Variants in PCDHA11 observed in about 807,000 individuals in gnomAD.
PCDHA11 encodes the protein protocadherin alpha 11.
PCDHA11 carries 61 observed loss-of-function variants against 70.3 expected under a neutral mutation model. The observed-to-expected ratio is 0.87, with a 90% confidence interval of 0.71 to 1.07. The LOEUF is 1.07. Among genes scored for constraint, PCDHA11 ranks in the 50% least tolerant of loss-of-function variants. PCDHA11 has a pLI of 0.00. For synonymous variants in PCDHA11, 633 were observed against 555.1 expected (o/e 1.14, Z -1.97); for missense variants, 1,324 against 1,237.5 (o/e 1.07, Z -1.05).
At chr5:140,959,751 T>C (rs553950058) in intron 1 of PCDHA11, among the ~76,000 whole-genome samples, 12 of 152,210 alleles carry the variant, frequency 7.9e-5, no homozygotes, top group Non-Finnish European at 1.8e-4. Flanking sequence ...CCTTAAAGTA[T>C]ATTTTAATAT....
chr5:140,953,099 G>A lies in PCDHA11; in HGVS notation c.2392-25850G>A, dbSNP rs1554220803. On this transcript the variant is annotated intron_variant, in intron 1 of 3. Transcript: ENST00000398640. ...CATTGGGGATTACAATTTGACATGA[G>A]ATTTGGGCAGGGACACAGATCTAAA... Among the ~76,000 whole-genome samples, 7 of 152,256 alleles carry A rather than the reference G, an allele frequency of 4.6e-5. 1 individual carries two copies. Among genetic ancestry groups the A allele is most frequent in the South Asian group, 2.1e-4 (1 of 4,828 alleles).
chr5:140,985,228 C>G (rs1022229644), intron 3 of PCDHA11, among the ~76,000 whole-genome samples: 4 of 152,156 alleles, frequency 2.6e-5, no homozygotes, highest in Non-Finnish European at 4.4e-5. Context: ...TGAGCCACCG[C>G]GCCTGGCCTA....
At chr5:140,903,454 A>G (rs1554190971) in intron 1 of PCDHA11, among the ~76,000 whole-genome samples, 1 of 152,208 alleles carries the variant, frequency 6.6e-6, no homozygotes, top group Non-Finnish European at 1.5e-5. Flanking sequence ...ATCTGATCAA[A>G]CTTAAAATAT....
intron 1 of PCDHA11, among the ~76,000 whole-genome samples, chr5:140,912,714 C>T (rs1312540155): frequency 6.6e-6 from 1 of 152,088 alleles, no homozygotes; most frequent in African/African-American, 2.4e-5. Context: ...CAACTTTTCT[C>T]CATTCAATAT....
At chr5:140,884,722 T>C in intron 1 of PCDHA11, 2 of 1,460,382 alleles carry the variant, frequency 1.4e-6, no homozygotes, top group South Asian at 3.0e-5. Flanking sequence ...TGCAGTTGTT[T>C]GTTTAAGACA....
intron 1 of PCDHA11, among the ~76,000 whole-genome samples, chr5:140,891,739 C>T (rs1433506044): frequency 4.6e-5 from 7 of 152,116 alleles, no homozygotes; most frequent in Non-Finnish European, 2.9e-5. Flanking sequence ...AATTCAATCC[C>T]TTATACAACA....
intron 1 of PCDHA11, among the ~76,000 whole-genome samples, chr5:140,885,102 G>A (rs2060467065): frequency 6.6e-6 from 1 of 151,970 alleles, no homozygotes; most frequent in Non-Finnish European, 1.5e-5. Flanking sequence ...TCACATAAAT[G>A]CTTTTTTTAA....
At chr5:140,988,468 A>G (rs1184589294) in intron 3 of PCDHA11, among the ~76,000 whole-genome samples, 1 of 152,186 alleles carries the variant, frequency 6.6e-6, no homozygotes, top group African/African-American at 2.4e-5. Flanking sequence ...GGGTGTGGGA[A>G]GGGGAATTAG....
At chr5:140,928,235 C>T (rs1455319165) in intron 1 of PCDHA11, 9 of 1,614,090 alleles carry the variant, frequency 5.6e-6, no homozygotes, top group African/African-American at 1.3e-5. Context: ...TTTCCTCAAC[C>T]CCAGCAGGAA....
chr5:140,876,094 C>T lies in PCDHA11; in HGVS notation c.2391+4600C>T, dbSNP rs782479233. 13 of 1,613,808 alleles carry T rather than the reference C, an allele frequency of 8.1e-6. No homozygotes were observed. In the Admixed American group the frequency reaches 1.5e-4, roughly 19 times the overall value. On this transcript the variant is annotated intron_variant, in intron 1 of 3. Transcript: ENST00000398640. ...ATTGGACAGAGAGCAAACGCCAAAA[C>T]TCAATTTATTGCTGATGGTAATCGA...
At chr5:140,944,051 C>G (rs1383787401) in intron 1 of PCDHA11, among the ~76,000 whole-genome samples, 1 of 152,086 alleles carries the variant, frequency 6.6e-6, no homozygotes, top group East Asian at 1.9e-4. Context: ...GATTGGGATA[C>G]AAAAAGGTTT....
intron 3 of PCDHA11, among the ~76,000 whole-genome samples, chr5:141,002,322 G>A (rs1477526091): frequency 6.6e-6 from 1 of 152,190 alleles, no homozygotes; most frequent in South Asian, 2.1e-4. Context: ...CCTGGAGGCC[G>A]GGCTGCATCC....
chr5:140,999,775 A>T (rs2097875590), intron 3 of PCDHA11, among the ~76,000 whole-genome samples: 1 of 152,178 alleles, frequency 6.6e-6, no homozygotes, highest in African/African-American at 2.4e-5. Context: ...TATACTCTTA[A>T]CCTAGAAATG....
Position 140,869,558 on chromosome 5 carries a change from T to A in PCDHA11, c.455T>A (p.Phe152Tyr). 1 of 1,614,200 alleles carries A rather than the reference T, an allele frequency of 6.2e-7. No homozygotes were observed. Among genetic ancestry groups the A allele is most frequent in the Non-Finnish European group, 8.5e-7 (1 of 1,180,040 alleles). The change falls in exon 1 of 4, where the codon TTT (phenylalanine) becomes TAT (tyrosine). Residue 152 changes from phenylalanine to tyrosine, a missense_variant. Transcript: ENST00000398640. ...GAATCTAAGCAATCGGACTCGCGTT[T>A]TCCACTAGAGGGAGCTTCTGATGCT... ...IAESKQSDSR[F>Y]PLEGASDADI...
intron 1 of PCDHA11, among the ~76,000 whole-genome samples, chr5:140,946,635 A>G (rs2094003182): frequency 1.6e-5 from 1 of 62,812 alleles, no homozygotes; most frequent in Admixed American, 1.5e-4. Flanking sequence ...TATATATACA[A>G]TGGAATACTC....
chr5:140,919,648 G>A (rs1482168238), intron 1 of PCDHA11, among the ~76,000 whole-genome samples: 7 of 151,936 alleles, frequency 4.6e-5, no homozygotes, highest in Non-Finnish European at 7.4e-5. Flanking sequence ...TTTCTCTAGA[G>A]TTTACCATAT....
Position 140,927,187 on chromosome 5 carries a change from C to G in PCDHA11, c.2392-51762C>G, listed in dbSNP as rs558671063. 141 of 1,614,164 alleles carry G rather than the reference C, an allele frequency of 8.7e-5. 1 individual carries two copies. The South Asian group carries it at 1.5e-3, about 17-fold the overall frequency. The stretch of plus-strand genomic sequence containing the variant: ...AGCTGCCTGCGTCTTGACCTACGAC[C>G]TGGTGCTCGAGGACCCGCTGGAGCT... On this transcript the variant is annotated intron_variant, in intron 1 of 3. Transcript: ENST00000398640.
intron 3 of PCDHA11, among the ~76,000 whole-genome samples, chr5:140,987,213 CA>C (rs58319157): frequency 0.029 from 3,412 of 118,662 alleles, 64 homozygotes; most frequent in African/African-American, 0.058. Flanking sequence ...GACTCCATCT[CA>C]AAAAAAAAAA....
chr5:140,918,003 T>A (rs1223893662), intron 1 of PCDHA11, among the ~76,000 whole-genome samples: 1 of 152,216 alleles, frequency 6.6e-6, no homozygotes, highest in African/African-American at 2.4e-5. Flanking sequence ...ATCTTAACAA[T>A]GTTGTTTCTT....
Sources: allele counts gnomAD v4.1 joint callset (sites outside exome capture counted in the v4.1 genomes callset), GRCh38; gene constraint gnomAD v4.1.1; transcripts MANE v1.5; gene names NCBI Gene and HGNC (gene_info 2026-07-23, HGNC 2026-07-21).